The following SLC25A33 variants were observed in gnomAD, a reference collection of about 807,000 sequenced individuals.
SLC25A33 encodes solute carrier family 25 member 33, also known as bone marrow stromal cell mitochondrial carrier protein.
A neutral mutation model predicts 35.5 loss-of-function variants in SLC25A33; 15 were observed. The observed-to-expected ratio is 0.42, with a 90% CI of 0.28 to 0.65. SLC25A33 has a LOEUF of 0.65. SLC25A33 is among the 30% of genes least tolerant of loss of function. The pLI is 0.20. For missense variants in SLC25A33, 257 were observed against 398.5 expected (o/e 0.64, Z 3.02); for synonymous variants, 136 against 148.7 (o/e 0.91, Z 0.62).
At chr1:9,562,573 G>A (rs1237680622) in intron 2 of SLC25A33, among the ~76,000 whole-genome samples, 1 of 151,870 alleles carries the variant, frequency 6.6e-6, no homozygotes, top group Non-Finnish European at 1.5e-5. Flanking sequence ...TATATAAATG[G>A]GCCAGGCACA....
rs1023325543 is a variant in SLC25A33, at chr1:9,582,161, G to A, written c.764-138G>A. On this transcript the variant is annotated intron_variant, in intron 6 of 6. Transcript: ENST00000302692. The surrounding 1 kb of genome is among the most constrained non-coding windows in gnomAD (Gnocchi z 4.0). ...ACTCCTGGCCTCAAGTGATCCACCC[G>A]CCTCGGCCTCCCAAAGTTCTGGGAT... 1.5e-5 allele frequency: 12 copies of A among 823,292 alleles called. No homozygotes were observed. Among genetic ancestry groups the A allele is most frequent in the Admixed American group, 4.8e-5 (2 of 41,704 alleles). 51.0% of individuals were successfully genotyped at this position (823,292 alleles called of 1,614,324 possible).
rs1168191750 is a variant in SLC25A33, at chr1:9,583,331, G to A, written c.*830G>A. On this transcript the variant is annotated 3_prime_UTR_variant, in exon 7 of 7. Transcript: ENST00000302692. The stretch of plus-strand genomic sequence containing the variant: ...TTACTTGCAGATTGATCATCTAAGC[G>A]TTCAGACTGCTGAGATGAATATATA... 3 of 152,030 alleles carry A rather than the reference G, an allele frequency of 2.0e-5. No homozygotes were observed. Among genetic ancestry groups the A allele is most frequent in the East Asian group, 1.9e-4 (1 of 5,200 alleles). The allele number at this position is 152,030 out of a possible 1,614,324, so 9.4% of individuals were successfully genotyped here. A position where few individuals can be genotyped will look rare whatever the true frequency, so the allele number is the denominator to read the frequency against.
intron 5 of SLC25A33, among the ~76,000 whole-genome samples, chr1:9,575,594 G>A (rs1643653013): frequency 6.6e-6 from 1 of 151,820 alleles, no homozygotes; most frequent in Admixed American, 6.6e-5. Flanking sequence ...CAGCATGGGT[G>A]ATAGAGTAAG....
rs59741987 is a variant in SLC25A33 at position 9,564,765 on chromosome 1, T to TATATAC, written c.237-2518_237-2517insTATACA. Reference sequence around the variant, plus strand: ...ATATATATATATATATATATATATATACACAAAAATTAGCTGAGCGTGGTG... The same window carrying TATATAC: ...ATATATATATATATATATATATATATATATACACACAAAAATTAGCTGAGCGTGGTG... On this transcript the variant is annotated intron_variant, in intron 2 of 6. Coordinates refer to ENST00000302692, the MANE Select transcript of SLC25A33 (RefSeq NM_032315.3). Among the ~76,000 whole-genome samples the TATATAC allele has an allele frequency of 5.5e-3, 634 of 114,560 alleles. 9 individuals are homozygous for TATATAC. The highest frequency in any genetic ancestry group is 0.015 in the East Asian group (47 of 3,162). The allele number at this position is 114,560 out of a possible 152,430, so 75.2% of individuals were successfully genotyped here.
intron 1 of SLC25A33, among the ~76,000 whole-genome samples, chr1:9,544,268 T>G (rs965679700): frequency 1.3e-5 from 2 of 151,926 alleles, no homozygotes; most frequent in African/African-American, 2.4e-5. Flanking sequence ...TGGTTAGTTT[T>G]TTTTTTTTTT....
chr1:9,559,979 C>T (rs949776086), intron 2 of SLC25A33, among the ~76,000 whole-genome samples: 10 of 152,174 alleles, frequency 6.6e-5, no homozygotes, highest in African/African-American at 2.4e-4. Flanking sequence ...AGGCTGGGCG[C>T]AGTGGCTCAC....
intron 5 of SLC25A33, 83 bp from the exon 6 acceptor site, chr1:9,579,871 C>T: frequency 2.8e-6 from 4 of 1,454,152 alleles, no homozygotes; most frequent in Admixed American, 2.2e-5. Flanking sequence ...AAGGAAGACC[C>T]GTACCTGTTC....
At chr1:9,539,825 T>C in intron 1 of SLC25A33, 78 bp downstream of exon 1, 1 of 1,215,798 alleles carries the variant, frequency 8.2e-7, no homozygotes, top group Non-Finnish European at 1.0e-6. Flanking sequence ...GGCCCCAGCC[T>C]CCCGCGGCGG....
intron 5 of SLC25A33, among the ~76,000 whole-genome samples, chr1:9,579,318 AC>A (rs1392317373): frequency 8.9e-6 from 1 of 111,966 alleles, no homozygotes; most frequent in Non-Finnish European, 1.9e-5. Flanking sequence ...AGGACTGCCC[AC>A]CCCCCGCCCA....
intron 1 of SLC25A33, among the ~76,000 whole-genome samples, chr1:9,542,138 G>A (rs1643094364): frequency 6.6e-6 from 1 of 152,184 alleles, no homozygotes; most frequent in African/African-American, 2.4e-5. Flanking sequence ...TTCCAAACCA[G>A]GAGAGTTGCA....
chr1:9,555,774 T>G (rs1261982616), intron 2 of SLC25A33, among the ~76,000 whole-genome samples: 1 of 152,220 alleles, frequency 6.6e-6, no homozygotes, highest in Non-Finnish European at 1.5e-5. Context: ...GACCTCTGCC[T>G]CCTCGGTTCA....
At chr1:9,561,615 T>C (rs1308754927) in intron 2 of SLC25A33, among the ~76,000 whole-genome samples, 1 of 152,128 alleles carries the variant, frequency 6.6e-6, no homozygotes, top group Non-Finnish European at 1.5e-5. Flanking sequence ...CCAACTGTTA[T>C]TATGTGTAAC....
At chr1:9,575,229 A>AAT (rs939381600) in intron 5 of SLC25A33, among the ~76,000 whole-genome samples, 4 of 149,152 alleles carry the variant, frequency 2.7e-5, no homozygotes, top group African/African-American at 9.8e-5. Context: ...AAAAAAAAAA[A>AAT]AAAAAATAAG....
intron 2 of SLC25A33, among the ~76,000 whole-genome samples, chr1:9,554,839 A>G (rs1643317744): frequency 6.6e-6 from 1 of 152,194 alleles, no homozygotes. Flanking sequence ...TTGGCTTATC[A>G]GTCTATGCAT....
Position 9,539,518 on chromosome 1 carries a change from C to A in SLC25A33, c.-174C>A, listed in dbSNP as rs1035723336. ...GCCGGTGAGGCGCCGGCGGCCACGC[C>A]GCGGAAGGCGCGGGCCGAGCAGAGC... On this transcript the variant is annotated 5_prime_UTR_variant, in exon 1 of 7. Transcript: ENST00000302692. 4 of 301,774 alleles carry A rather than the reference C, an allele frequency of 1.3e-5. No individual in the cohort carries two copies. Among genetic ancestry groups the A allele is most frequent in the African/African-American group, 6.8e-5 (3 of 44,414 alleles). The allele number at this position is 301,774 out of a possible 1,614,324, so 18.7% of individuals were successfully genotyped here.
chr1:9,570,412 T>C (rs1362605925), intron 4 of SLC25A33, 54 bp downstream of exon 4: 14 of 1,440,250 alleles, frequency 9.7e-6, no homozygotes, highest in Non-Finnish European at 1.3e-5. Context: ...TTCTAAAGCA[T>C]GCATTGTGCC....
At chr1:9,564,739 A>AAAAAAAAATATAT (rs60174872) in intron 2 of SLC25A33, among the ~76,000 whole-genome samples, 27 of 96,538 alleles carry the variant, frequency 2.8e-4, no homozygotes, top group African/African-American at 1.1e-3. Flanking sequence ...AAAAAAAAAA[A>AAAAAAAAATATAT]ATATATATAT....
intron 1 of SLC25A33, among the ~76,000 whole-genome samples, chr1:9,549,940 C>T (rs1426135060): frequency 2.5e-5 from 3 of 121,854 alleles, no homozygotes; most frequent in Non-Finnish European, 5.1e-5. Flanking sequence ...ATATATATTT[C>T]TATATATGTA....
At chr1:9,580,611 A>G (rs1643729052) in intron 6 of SLC25A33, among the ~76,000 whole-genome samples, 1 of 152,102 alleles carries the variant, frequency 6.6e-6, no homozygotes, top group South Asian at 2.1e-4. Flanking sequence ...TAATCCCAGC[A>G]CTTTGGGAGG....
Sources: gnomAD v4.1 joint callset for allele counts (sites outside exome capture counted in the v4.1 genomes callset) on GRCh38, gnomAD v4.1.1 for gene constraint, Gnocchi (gnomAD v3.1) non-coding constraint, MANE v1.5 for transcripts, NCBI Gene and HGNC (gene_info 2026-07-23, HGNC 2026-07-21) for gene names.